The following C20orf202 variants were observed in gnomAD, a reference collection of about 807,000 sequenced individuals.
The protein encoded by C20orf202 is uncharacterized protein C20orf202.
In C20orf202, 5 loss-of-function variants were observed where a neutral mutation model predicts 5.3. That is an observed-to-expected ratio of 0.94 (90% CI 0.49 to 1.98). The LOEUF (loss-of-function observed/expected upper bound fraction) is 1.98. C20orf202 is among the 30% of genes most tolerant of loss of function. The probability of loss-of-function intolerance (pLI) is 0.01; values close to 1 mark genes in which losing one functional copy is unlikely to be tolerated. For synonymous variants in C20orf202, 48 were observed against 50.0 expected, an observed-to-expected ratio of 0.96 and a Z score of 0.16; for missense variants, 135 against 123.5, an observed-to-expected ratio of 1.09 and a Z score of -0.44.
At chr20:1,205,440 G>A (rs1188715815) in intron 1 of C20orf202, among the ~76,000 whole-genome samples, 1 of 152,094 alleles carries the variant, frequency 6.6e-6, no homozygotes, top group Non-Finnish European at 1.5e-5. Context: ...ATATTCTCTT[G>A]GCAGTGTTAC....
At position 1,206,948 on chromosome 20, in the gene C20orf202, A is replaced by T; in HGVS notation, c.146A>T (p.Asp49Val). The T allele has an allele frequency of 6.4e-7, 1 of 1,551,606 alleles. No individual in the cohort carries two copies. The highest frequency in any genetic ancestry group is 8.7e-7 in the Non-Finnish European group (1 of 1,146,906). The change falls in exon 2 of 2, where the codon GAC becomes GTC. Residue 49 changes from aspartate to valine, a missense_variant. By Grantham distance (152) the Asp-to-Val change is radical. Coordinates refer to ENST00000400633, the MANE Select transcript of C20orf202 (RefSeq NM_001394958.1). ...AGTGTCCTGGAGGAGCTGCGTGCGG[A>T]CAGCGCCCACTGGGAGGACGCCAGG... is the stretch of plus-strand genomic sequence containing the variant. Reference protein sequence around the residue: ...LHSVLEELRADSAHWEDARSS... With the variant: ...LHSVLEELRAVSAHWEDARSS...
intron 1 of C20orf202, among the ~76,000 whole-genome samples, chr20:1,205,134 C>T (rs1168244739): frequency 2.7e-5 from 4 of 148,934 alleles, no homozygotes; most frequent in Non-Finnish European, 5.9e-5. Flanking sequence ...GAGATGAAGC[C>T]TCACTCTGTC....
intron 1 of C20orf202, among the ~76,000 whole-genome samples, chr20:1,204,856 C>T (rs560046381): frequency 6.6e-6 from 1 of 152,318 alleles, no homozygotes; most frequent in South Asian, 2.1e-4. Context: ...GGGCAGCTGT[C>T]TTCCTTATGC....
At chr20:1,203,763 C>T in intron 1 of C20orf202, 112 bp downstream of exon 1, 1 of 1,183,204 alleles carries the variant, frequency 8.5e-7, no homozygotes, top group East Asian at 2.6e-5. Context: ...ACGGTATGGA[C>T]CCTGCAGTCT....
rs1465892350 is a variant in C20orf202, at chr20:1,204,450, C to G, written c.66+799C>G. Among the ~76,000 whole-genome samples the G allele has an allele frequency of 2.0e-5, 3 of 152,248 alleles. No individual in the cohort carries two copies. The East Asian group carries it at 5.8e-4, about 29-fold the overall frequency. On this transcript the variant is annotated intron_variant, in intron 1 of 1. Transcript: ENST00000400633. ...CATTTCCCATTGGCAAGGGCCTCCC[C>G]CATGGAGCACTAACTCTCCTGACCC...
intron 1 of C20orf202, among the ~76,000 whole-genome samples, chr20:1,204,591 C>T (rs1201981852): frequency 6.6e-6 from 1 of 152,184 alleles, no homozygotes; most frequent in Non-Finnish European, 1.5e-5. Context: ...TGTGGGGACA[C>T]CAGCCAGGAG....
At chr20:1,205,416 C>G (rs1048328354) in intron 1 of C20orf202, among the ~76,000 whole-genome samples, 2 of 152,180 alleles carry the variant, frequency 1.3e-5, no homozygotes, top group African/African-American at 2.4e-5. Flanking sequence ...CCTCACATCT[C>G]TCTTTCTAGC....
chr20:1,206,773 G>T (rs2087133116), intron 1 of C20orf202, 96 bp from the exon 2 acceptor site: 7 of 760,232 alleles, frequency 9.2e-6, no homozygotes, highest in Middle Eastern at 4.1e-4. Context: ...CGAATCACAA[G>T]TGGGCTGGTC....
chr20:1,206,291 C>A (rs2087131324), intron 1 of C20orf202, among the ~76,000 whole-genome samples: 1 of 151,840 alleles, frequency 6.6e-6, no homozygotes, highest in Non-Finnish European at 1.5e-5. Context: ...GAATTAGAAG[C>A]CAAAGCTGAG....
At position 1,206,950 on chromosome 20, in the gene C20orf202, A is replaced by G. The variant is rs1231156259; in HGVS notation, c.148A>G (p.Ser50Gly). 1 of 1,551,698 alleles carries G rather than the reference A, an allele frequency of 6.4e-7. No homozygotes were observed. The highest frequency in any genetic ancestry group is 1.2e-5 in the South Asian group (1 of 84,044). ...HSVLEELRAD[S>G]AHWEDARSSG... ...TGTCCTGGAGGAGCTGCGTGCGGACAGCGCCCACTGGGAGGACGCCAGGTC... is the reference window on the plus strand; with the variant it reads ...TGTCCTGGAGGAGCTGCGTGCGGACGGCGCCCACTGGGAGGACGCCAGGTC... The change falls in exon 2 of 2, where the codon AGC (serine) becomes GGC (glycine). Residue 50 changes from serine (S) to glycine (G), a missense_variant. Coordinates refer to ENST00000400633, the MANE Select transcript of C20orf202 (RefSeq NM_001394958.1).
At chr20:1,204,245 A>G (rs1012369830) in intron 1 of C20orf202, among the ~76,000 whole-genome samples, 4 of 152,126 alleles carry the variant, frequency 2.6e-5, no homozygotes, top group Admixed American at 6.5e-5. Context: ...GGCCAATGCT[A>G]TGCCAGGCAA....
rs181425626 is a variant in C20orf202, at chr20:1,207,085, C to T, written c.283C>T (p.Arg95Ter). The part of the protein sequence containing the change: ...AQLLRGEDSR[R>*]SSLP ...GCTCCTCCGAGGGGAAGACAGCAGACGAAGCTCTCTCCCTTAACTGGACGG... is the reference window on the plus strand; with the variant it reads ...GCTCCTCCGAGGGGAAGACAGCAGATGAAGCTCTCTCCCTTAACTGGACGG... Residue 95 changes from arginine to a stop codon, truncating the protein, a stop_gained, in exon 2 of 2, where the codon CGA becomes TGA. Coordinates refer to ENST00000400633, the MANE Select transcript of C20orf202 (RefSeq NM_001394958.1). LOFTEE classifies it high-confidence loss of function. 5.3e-6 allele frequency: 8 copies of T among 1,507,806 alleles called. No individual in the cohort carries two copies. Among genetic ancestry groups the T allele is most frequent in the Admixed American group, 2.1e-5 (1 of 47,424 alleles). 93.4% of individuals were successfully genotyped at this position (1,507,806 alleles called of 1,614,324 possible). A position where few individuals can be genotyped will look rare whatever the true frequency, so the allele number is the denominator to read the frequency against.
chr20:1,205,487 A>G (rs2087127861), intron 1 of C20orf202, among the ~76,000 whole-genome samples: 1 of 152,212 alleles, frequency 6.6e-6, no homozygotes. Context: ...TGGTCTTCTT[A>G]CTTGTAATCA....
intron 1 of C20orf202, 57 bp from the exon 2 acceptor site, chr20:1,206,812 G>C: frequency 1.6e-6 from 2 of 1,232,252 alleles, no homozygotes; most frequent in Non-Finnish European, 2.2e-6. Flanking sequence ...GAAGGGGCTT[G>C]ATGGGGAAAC....
chr20:1,204,846 G>A (rs1489809770), intron 1 of C20orf202, among the ~76,000 whole-genome samples: 2 of 152,180 alleles, frequency 1.3e-5, no homozygotes, highest in African/African-American at 4.8e-5. Context: ...ATCCAGCACT[G>A]GGCAGCTGTC....
At chr20:1,204,048 T>C (rs2087121738) in intron 1 of C20orf202, among the ~76,000 whole-genome samples, 1 of 152,128 alleles carries the variant, frequency 6.6e-6, no homozygotes, top group African/African-American at 2.4e-5. Context: ...GTAATCCTCT[T>C]AATGAATACT....
intron 1 of C20orf202, 150 bp downstream of exon 1, chr20:1,203,801 C>A: frequency 1.1e-6 from 1 of 877,940 alleles, no homozygotes; most frequent in Non-Finnish European, 1.7e-6. Context: ...ACACAATGCA[C>A]AATTGTGATC....
At chr20:1,206,591 C>T (rs1008896439) in intron 1 of C20orf202, among the ~76,000 whole-genome samples, 3 of 152,216 alleles carry the variant, frequency 2.0e-5, no homozygotes, top group South Asian at 2.1e-4. Context: ...AGGAAAATAA[C>T]GTCTTACTAT....
In C20orf202 at chr20:1,207,720, T is replaced by A. The variant is rs1348705912; in HGVS notation, c.*618T>A. 6.6e-6 allele frequency: 1 copy of A among 152,240 alleles called. No homozygotes were observed. Among genetic ancestry groups the A allele is most frequent in the African/African-American group, 2.4e-5 (1 of 41,450 alleles). 9.4% of individuals were successfully genotyped at this position (152,240 alleles called of 1,614,324 possible). Reference sequence around the variant, plus strand: ...ACCGACCTTCCCTGAGATTGCTACCTGGAAGCTCTTTCTATTACACTCAGG... The same window carrying A: ...ACCGACCTTCCCTGAGATTGCTACCAGGAAGCTCTTTCTATTACACTCAGG... On this transcript the variant is annotated 3_prime_UTR_variant, in exon 2 of 2. Transcript: ENST00000400633.
Sources: allele counts gnomAD v4.1 joint callset (sites outside exome capture counted in the v4.1 genomes callset), GRCh38; gene constraint gnomAD v4.1.1; transcripts MANE v1.5; gene names NCBI Gene and HGNC (gene_info 2026-07-23, HGNC 2026-07-21).